Variants in GPBP1L1 observed in about 807,000 individuals in gnomAD.
The protein encoded by GPBP1L1 is vasculin-like protein 1.
Under a neutral mutation model 52.5 loss-of-function variants are expected in GPBP1L1, and 23 were observed. The ratio of observed to expected loss-of-function variants is 0.44; its 90% confidence interval spans 0.32 to 0.62. The LOEUF is 0.62. Ranked by LOEUF, GPBP1L1 falls within the 20% of genes least tolerant of loss-of-function variation. The pLI, the probability that GPBP1L1 is intolerant of heterozygous loss-of-function variation, is 0.06. For synonymous variants in GPBP1L1, 243 were observed against 203.1 expected, an observed-to-expected ratio of 1.20 and a Z score of -1.67; for missense variants, 596 against 579.3, an observed-to-expected ratio of 1.03 and a Z score of -0.30.
intron 2 of GPBP1L1, among the ~76,000 whole-genome samples, chr1:45,677,434 G>C (rs1422065917): frequency 6.6e-6 from 1 of 151,622 alleles, no homozygotes; most frequent in Non-Finnish European, 1.5e-5. Context: ...GGGAAGTCAA[G>C]ACTACAGTGA....
chr1:45,632,415 A>G (rs1302734372), intron 10 of GPBP1L1, among the ~76,000 whole-genome samples: 2 of 152,104 alleles, frequency 1.3e-5, no homozygotes, highest in Non-Finnish European at 2.9e-5. Flanking sequence ...AAAATAAAGT[A>G]ATACAAATAA....
At chr1:45,682,116 G>C (rs1212127069) in intron 2 of GPBP1L1, among the ~76,000 whole-genome samples, 1 of 152,142 alleles carries the variant, frequency 6.6e-6, no homozygotes, top group Non-Finnish European at 1.5e-5. Context: ...TACATGGTAA[G>C]ACGAATTAAA....
chr1:45,672,151 A>G (rs1047623886), intron 2 of GPBP1L1, among the ~76,000 whole-genome samples: 81 of 152,312 alleles, frequency 5.3e-4, no homozygotes, highest in African/African-American at 1.9e-3. Flanking sequence ...TCACGAGGTC[A>G]GGAGCTCGAG....
In GPBP1L1 at chr1:45,630,471, T is replaced by TC; in HGVS notation, c.1169+10dup. 6.2e-7 allele frequency: 1 copy of TC among 1,613,640 alleles called. No individual in the cohort carries two copies. The highest frequency in any genetic ancestry group is 1.1e-5 in the South Asian group (1 of 91,048). On this transcript the variant is annotated intron_variant, in intron 11 of 12. Transcript: ENST00000355105. ...AGACACTGCATGCCCTGTGATGTCC[T>TC]CCTCACTTACCTGTGCTCTGCTTCT... is the stretch of plus-strand genomic sequence containing the variant.
chr1:45,658,294 T>C, intron 4 of GPBP1L1, among the ~76,000 whole-genome samples: 1 of 152,268 alleles, frequency 6.6e-6, no homozygotes, highest in South Asian at 2.1e-4. Flanking sequence ...CATAAACAAA[T>C]GTGTGTTCAC....
chr1:45,628,276 C>T lies in GPBP1L1; in HGVS notation c.1405G>A (p.Asp469Asn), dbSNP rs769319262. The T allele has an allele frequency of 6.2e-7, 1 of 1,613,980 alleles. No homozygotes were observed. Among genetic ancestry groups the T allele is most frequent in the Non-Finnish European group, 8.5e-7 (1 of 1,180,036 alleles). Residue 469 changes from aspartate (D) to asparagine (N), a missense_variant, in exon 13 of 13, where the codon GAT becomes AAT. Physicochemically the swap from Asp to Asn is conservative, Grantham distance 23. Transcript: ENST00000355105. ...TATGCCTACTTCCAGGCATCGTCATCTGATGTTTCACTGCTACTGGTTTCG... is the reference window on the plus strand; with the variant it reads ...TATGCCTACTTCCAGGCATCGTCATTTGATGTTTCACTGCTACTGGTTTCG... ...DTETSSSETS[D>N]DDAWK
chr1:45,644,882 G>A (rs910892234), intron 6 of GPBP1L1, among the ~76,000 whole-genome samples: 6 of 152,116 alleles, frequency 3.9e-5, no homozygotes, highest in Admixed American at 2.6e-4. Flanking sequence ...CCATAAATAG[G>A]AACTTCCCCT....
chr1:45,645,210 C>A (rs1644728503), intron 6 of GPBP1L1, among the ~76,000 whole-genome samples: 1 of 152,132 alleles, frequency 6.6e-6, no homozygotes, highest in Non-Finnish European at 1.5e-5. Flanking sequence ...ACAATCCAGG[C>A]AGTAGAGCCA....
intron 3 of GPBP1L1, among the ~76,000 whole-genome samples, chr1:45,659,439 C>T (rs762848738): frequency 1.3e-5 from 2 of 152,204 alleles, no homozygotes; most frequent in Non-Finnish European, 2.9e-5. Flanking sequence ...CTCAAAAGAT[C>T]ATCCTGCTTC....
intron 6 of GPBP1L1, chr1:45,651,551 G>C (rs1307357557): frequency 1.7e-6 from 1 of 571,910 alleles, no homozygotes; most frequent in African/African-American, 1.9e-5. Flanking sequence ...AAGTAGCTGA[G>C]TAGCTGTTTG....
chr1:45,673,285 A>T lies in GPBP1L1; in HGVS notation c.-1097-12060T>A, dbSNP rs74711852. 6.3e-3 allele frequency among the ~76,000 whole-genome samples: 956 copies of T among 152,338 alleles called. 10 individuals are homozygous for T. The highest frequency in any genetic ancestry group is 0.021 in the African/African-American group (891 of 41,576). On this transcript the variant is annotated intron_variant, in intron 2 of 12. Transcript: ENST00000355105. ...CAACTAAGTAGACAGCAAGACCTTCAGCTAAAAGTATGGGTAGGTGCAGAG... is the reference window on the plus strand; with the variant it reads ...CAACTAAGTAGACAGCAAGACCTTCTGCTAAAAGTATGGGTAGGTGCAGAG...
chr1:45,657,541 A>G (rs1392376299), intron 4 of GPBP1L1, among the ~76,000 whole-genome samples: 1 of 152,158 alleles, frequency 6.6e-6, no homozygotes. Context: ...GTCTCAATAA[A>G]AAAACAAACA....
intron 8 of GPBP1L1, among the ~76,000 whole-genome samples, chr1:45,636,113 A>G (rs1644590814): frequency 6.6e-6 from 1 of 152,136 alleles, no homozygotes; most frequent in Non-Finnish European, 1.5e-5. Flanking sequence ...TAAATAACCA[A>G]AACTTTCATC....
intron 2 of GPBP1L1, among the ~76,000 whole-genome samples, chr1:45,663,050 C>A (rs376659212): frequency 0.012 from 1,444 of 116,610 alleles, 2 homozygotes; most frequent in African/African-American, 0.014. Flanking sequence ...GACTCTGTCT[C>A]AAAAAAAAAA....
At chr1:45,644,528 A>G (rs1008571588) in intron 6 of GPBP1L1, among the ~76,000 whole-genome samples, 3 of 151,506 alleles carry the variant, frequency 2.0e-5, no homozygotes, top group Non-Finnish European at 4.4e-5. Context: ...AAAAACCCCA[A>G]AACTACTCAT....
At chr1:45,676,654 G>A (rs1645142507) in intron 2 of GPBP1L1, among the ~76,000 whole-genome samples, 1 of 148,464 alleles carries the variant, frequency 6.7e-6, no homozygotes, top group Non-Finnish European at 1.5e-5. Context: ...AGGTTGCAGT[G>A]AGCCGAGACT....
At chr1:45,682,865 T>G (rs1645227770) in intron 2 of GPBP1L1, among the ~76,000 whole-genome samples, 1 of 152,218 alleles carries the variant, frequency 6.6e-6, no homozygotes, top group Non-Finnish European at 1.5e-5. Flanking sequence ...ATAGGCTGTT[T>G]GAGGCAGATT....
intron 2 of GPBP1L1, among the ~76,000 whole-genome samples, chr1:45,671,094 T>A (rs1354236327): frequency 1.3e-5 from 2 of 151,928 alleles, no homozygotes. Context: ...GCGCCCGGAC[T>A]ACCATATGTC....
At chr1:45,631,127 C>T (rs909909216) in intron 10 of GPBP1L1, among the ~76,000 whole-genome samples, 12 of 151,948 alleles carry the variant, frequency 7.9e-5, no homozygotes, top group Non-Finnish European at 1.6e-4. Context: ...GACCTTACAG[C>T]CGTCACAAAA....
Sources: gnomAD v4.1 joint callset for allele counts (sites outside exome capture counted in the v4.1 genomes callset) on GRCh38, gnomAD v4.1.1 for gene constraint, MANE v1.5 for transcripts, NCBI Gene and HGNC (gene_info 2026-07-23, HGNC 2026-07-21) for gene names.